The following PCDHGA8 variants were observed in gnomAD, a reference collection of about 807,000 sequenced individuals.
The protein encoded by PCDHGA8 is protocadherin gamma subfamily A, 8, also known as protocadherin gamma-A8.
Under a neutral mutation model 59.2 loss-of-function variants are expected in PCDHGA8, and 45 were observed. That is an observed-to-expected ratio of 0.76 (90% CI 0.60 to 0.98). The LOEUF (loss-of-function observed/expected upper bound fraction) is 0.98. Among genes scored for constraint, PCDHGA8 ranks in the 50% least tolerant of loss-of-function variants. The pLI, the probability that PCDHGA8 is intolerant of heterozygous loss-of-function variation, is 0.00. For missense variants in PCDHGA8, 1,257 were observed against 1,196.2 expected (o/e 1.05, Z -0.75); for synonymous variants, 531 against 519.0 (o/e 1.02, Z -0.32).
intron 1 of PCDHGA8, chr5:141,427,786 C>G: frequency 1.4e-6 from 2 of 1,477,082 alleles, no homozygotes; most frequent in Non-Finnish European, 1.9e-6. Flanking sequence ...GCACTGTCGT[C>G]CTACGTGTCC....
rs567061101 is a variant in PCDHGA8 at position 141,432,791 on chromosome 5, C to T, written c.2424+37554C>T. The T allele has an allele frequency of 2.7e-5, 44 of 1,614,064 alleles. No homozygotes were observed. Among genetic ancestry groups the T allele is most frequent in the Admixed American group, 8.3e-5 (5 of 60,034 alleles). On this transcript the variant is annotated intron_variant, in intron 1 of 3. Coordinates refer to ENST00000398604, the MANE Select transcript of PCDHGA8 (RefSeq NM_032088.2). The surrounding 1 kb of genome is among the most constrained non-coding windows in gnomAD (Gnocchi z 6.0). ...CCAAGTCCTGGCGGACCTCGGCAGC[C>T]TCGAGTCTCCAGCTAACTCTGAAAC... is the stretch of plus-strand genomic sequence containing the variant.
chr5:141,404,862 C>A, intron 1 of PCDHGA8: 1 of 1,613,848 alleles, frequency 6.2e-7, no homozygotes, highest in Non-Finnish European at 8.5e-7. Context: ...GATAGAGATG[C>A]GCTCAAACAG....
intron 1 of PCDHGA8, chr5:141,399,780 A>C (rs1444494014): frequency 6.2e-7 from 1 of 1,613,170 alleles, no homozygotes; most frequent in Non-Finnish European, 8.5e-7. Flanking sequence ...TGGGCGACCG[A>C]AACGACAACG....
At chr5:141,419,722 G>A (rs1194093167) in intron 1 of PCDHGA8, 2 of 1,613,306 alleles carry the variant, frequency 1.2e-6, no homozygotes, top group Admixed American at 1.7e-5. Context: ...GCCTGGGGCT[G>A]CGAACAGGCG....
chr5:141,422,204 G>A lies in PCDHGA8; in HGVS notation c.2424+26967G>A, dbSNP rs185669562. On this transcript the variant is annotated intron_variant, in intron 1 of 3. Transcript: ENST00000398604. Reference sequence around the variant, plus strand: ...ATGGAAATTCAAGGCCAAGATGGTGGAGGTCTCTTTACCACCACGACGATG... The same window carrying A: ...ATGGAAATTCAAGGCCAAGATGGTGAAGGTCTCTTTACCACCACGACGATG... The A allele has an allele frequency of 1.7e-4, 269 of 1,562,138 alleles. No individual in the cohort carries two copies. The African/African-American group carries it at 3.6e-3, about 21-fold the overall frequency.
chr5:141,460,681 A>G (rs2098995379), intron 1 of PCDHGA8, among the ~76,000 whole-genome samples: 1 of 152,134 alleles, frequency 6.6e-6, no homozygotes, highest in African/African-American at 2.4e-5. Context: ...ATATATCTAT[A>G]TATCCACCAA....
At chr5:141,505,202 T>C (rs778935321) in intron 2 of PCDHGA8, among the ~76,000 whole-genome samples, 191 bp from the exon 3 acceptor site, 3 of 152,012 alleles carry the variant, frequency 2.0e-5, no homozygotes, top group Non-Finnish European at 4.4e-5. Flanking sequence ...AAAGAGCTGG[T>C]TTGAGGGACT....
intron 1 of PCDHGA8, chr5:141,417,801 G>A (rs368563336): frequency 1.3e-6 from 2 of 1,490,494 alleles, no homozygotes; most frequent in South Asian, 1.4e-5. Context: ...CTTTTAGCGC[G>A]GTAGAGTGCA....
rs754536860 is a variant in PCDHGA8, at chr5:141,432,221, A to G, written c.2424+36984A>G. The G allele has an allele frequency of 2.5e-6, 4 of 1,614,190 alleles. No homozygotes were observed. The South Asian group carries it at 4.4e-5, about 18-fold the overall frequency. ...CGACTGTGAAGAGAACGCCCAGATC[A>G]CTTATTCCCTGGCTGAGAACACCAT... On this transcript the variant is annotated intron_variant, in intron 1 of 3. Coordinates refer to ENST00000398604, the MANE Select transcript of PCDHGA8 (RefSeq NM_032088.2). The surrounding 1 kb of genome is among the most constrained non-coding windows in gnomAD (Gnocchi z 6.0).
chr5:141,458,922 G>A (rs747489537), intron 1 of PCDHGA8, among the ~76,000 whole-genome samples: 2 of 151,918 alleles, frequency 1.3e-5, no homozygotes, highest in East Asian at 1.9e-4. Flanking sequence ...TTGTGGAGAC[G>A]GGGTCTCACT....
chr5:141,430,994 C>T, intron 1 of PCDHGA8: 1 of 1,613,950 alleles, frequency 6.2e-7, no homozygotes, highest in East Asian at 2.2e-5. Context: ...CGCCCTGAAT[C>T]CGCGCAGCGG....
intron 1 of PCDHGA8, among the ~76,000 whole-genome samples, chr5:141,457,920 C>T (rs1340816332): frequency 6.6e-6 from 1 of 150,868 alleles, no homozygotes; most frequent in Non-Finnish European, 1.5e-5. Flanking sequence ...GCCAGTTCTC[C>T]CCAAGGGGCT....
intron 1 of PCDHGA8, chr5:141,395,524 T>G (rs1312171320): frequency 5.1e-6 from 2 of 392,258 alleles, no homozygotes; most frequent in Non-Finnish European, 9.1e-6. Flanking sequence ...CCGTCCATAC[T>G]GGTAATTTTG....
chr5:141,421,082 C>A, intron 1 of PCDHGA8: 1 of 640,114 alleles, frequency 1.6e-6, no homozygotes, highest in Non-Finnish European at 2.6e-6. Flanking sequence ...TGGATACTCA[C>A]AGATCCTGAC....
At chr5:141,445,612 CT>C (rs996122021) in intron 1 of PCDHGA8, among the ~76,000 whole-genome samples, 1 of 151,994 alleles carries the variant, frequency 6.6e-6, no homozygotes, top group Non-Finnish European at 1.5e-5. Flanking sequence ...GGAAGGCTTT[CT>C]TTTTTTCGGA....
intron 1 of PCDHGA8, among the ~76,000 whole-genome samples, chr5:141,473,246 A>G (rs1045740920): frequency 7.2e-5 from 11 of 152,224 alleles, no homozygotes; most frequent in Admixed American, 4.6e-4. Context: ...AAGTGAATAC[A>G]TATATAGTCC....
chr5:141,482,622 A>G (rs1197606374), intron 1 of PCDHGA8, among the ~76,000 whole-genome samples: 1 of 151,936 alleles, frequency 6.6e-6, no homozygotes, highest in Non-Finnish European at 1.5e-5. Context: ...AGCCTGGAGA[A>G]AGGAAGAAAT....
chr5:141,419,119 C>T lies in PCDHGA8; in HGVS notation c.2424+23882C>T. 2.5e-6 allele frequency: 4 copies of T among 1,613,896 alleles called. No individual in the cohort carries two copies. The South Asian group carries it at 3.3e-5, about 13-fold the overall frequency. Reference sequence around the variant, plus strand: ...GGGAGCAGACCCCAGAGTACAACGTCACCATCGCAGCCACAGACAGGGGCA... The same window carrying T: ...GGGAGCAGACCCCAGAGTACAACGTTACCATCGCAGCCACAGACAGGGGCA... On this transcript the variant is annotated intron_variant, in intron 1 of 3. Coordinates refer to ENST00000398604, the MANE Select transcript of PCDHGA8 (RefSeq NM_032088.2).
chr5:141,410,685 A>G, intron 1 of PCDHGA8: 1 of 1,528,540 alleles, frequency 6.5e-7, no homozygotes, highest in Non-Finnish European at 8.7e-7. Flanking sequence ...TTTTAGGCAT[A>G]CTACTTTATT....
Sources: allele counts gnomAD v4.1 joint callset (sites outside exome capture counted in the v4.1 genomes callset), GRCh38; gene constraint gnomAD v4.1.1; non-coding constraint Gnocchi (gnomAD v3.1); transcripts MANE v1.5; gene names NCBI Gene and HGNC (gene_info 2026-07-23, HGNC 2026-07-21).